The following DUS2 variants were observed in gnomAD, a reference collection of about 807,000 sequenced individuals.
The protein encoded by DUS2 is dihydrouridine synthase 2, also known as tRNA-dihydrouridine(20) synthase [NAD(P)+]-like.
DUS2 carries 52 observed loss-of-function variants against 71.3 expected under a neutral mutation model. That is an observed-to-expected ratio of 0.73 (90% CI 0.58 to 0.92). The LOEUF (loss-of-function observed/expected upper bound fraction) is 0.92, where lower values mean the gene tolerates loss of function less well. Ranked by LOEUF, DUS2 falls within the 40% of genes least tolerant of loss-of-function variation. DUS2 has a pLI of 0.00. For missense variants in DUS2, 558 were observed against 622.6 expected (o/e 0.90, Z 1.10); for synonymous variants, 204 against 227.8 (o/e 0.90, Z 0.94).
chr16:68,072,137 T>C (rs2034095813), intron 12 of DUS2, among the ~76,000 whole-genome samples: 1 of 152,230 alleles, frequency 6.6e-6, no homozygotes, highest in African/African-American at 2.4e-5. Context: ...TAGGAGTGCC[T>C]GTGGCTGCCA....
chr16:68,065,602 G>A (rs948981012), intron 8 of DUS2, among the ~76,000 whole-genome samples: 3 of 151,976 alleles, frequency 2.0e-5, no homozygotes, highest in Non-Finnish European at 4.4e-5. Context: ...CTGCACTCTA[G>A]CCTGGGAAAC....
At chr16:68,075,585 T>C in intron 14 of DUS2, 81 bp downstream of exon 14, 6 of 1,378,086 alleles carry the variant, frequency 4.4e-6, no homozygotes, top group Non-Finnish European at 5.8e-6. Flanking sequence ...GGCTGCTGTA[T>C]GTGCTTAATG....
Position 68,038,110 on chromosome 16 carries a change from G to C in DUS2, c.87G>C (p.Leu29=). ...MVRVGTLPMR[L]LALDYGADIV... The stretch of plus-strand genomic sequence containing the variant: ...GGGTAGGGACTCTTCCAATGAGGCT[G>C]CTGGCCCTGGATTATGGAGCGGACA... The change falls in exon 3 of 17, where the codon CTG becomes CTC. Residue 29 remains leucine (L), a synonymous_variant. Transcript: ENST00000565263. 2.5e-6 allele frequency: 4 copies of C among 1,613,982 alleles called. No homozygotes were observed. The highest frequency in any genetic ancestry group is 3.4e-6 in the Non-Finnish European group (4 of 1,179,950).
At chr16:68,029,098 C>T (rs932373261) in intron 2 of DUS2, among the ~76,000 whole-genome samples, 2 of 151,690 alleles carry the variant, frequency 1.3e-5, no homozygotes, top group Non-Finnish European at 1.5e-5. Context: ...CCAGTTACTC[C>T]GGATGCTGAG....
rs574691182 is a variant in DUS2, at chr16:68,074,306, G to A, written c.932+151G>A. The A allele has an allele frequency of 9.4e-6, 10 of 1,065,946 alleles. No homozygotes were observed. The African/African-American group carries it at 1.6e-4, about 17-fold the overall frequency. The allele number at this position is 1,065,946 out of a possible 1,614,324, so 66.0% of individuals were successfully genotyped here. ...GTGATGGTACAGCTTTGCCTCCCAG[G>A]AGGGGATTCTTTGAAAGCTTTGAAA... On this transcript the variant is annotated intron_variant, in intron 13 of 16. Coordinates refer to ENST00000565263, the MANE Select transcript of DUS2 (RefSeq NM_017803.5).
intron 3 of DUS2, among the ~76,000 whole-genome samples, chr16:68,047,813 C>T: frequency 6.7e-6 from 1 of 149,538 alleles, no homozygotes; most frequent in Non-Finnish European, 1.5e-5. Context: ...ACAGGTGTCA[C>T]TCTGTTGCCC....
At chr16:68,030,508 T>C (rs2033421374) in intron 2 of DUS2, among the ~76,000 whole-genome samples, 1 of 152,072 alleles carries the variant, frequency 6.6e-6, no homozygotes, top group East Asian at 1.9e-4. Flanking sequence ...GGAGAATTGC[T>C]CGAACCTCGG....
At position 68,049,507 on chromosome 16, in the gene DUS2, G is replaced by A. The variant is rs2033749346; in HGVS notation, c.129G>A (p.Glu43=). ...DYGADIVYCE[E]LIDLKMIQCK... Reference sequence around the variant, plus strand: ...AGCGTCCTCTGATTCCTCTGCAGGAGCTGATCGACCTCAAGATGATTCAGT... The same window carrying A: ...AGCGTCCTCTGATTCCTCTGCAGGAACTGATCGACCTCAAGATGATTCAGT... The change falls in exon 4 of 17, where the codon GAG becomes GAA. Residue 43 remains glutamate, a splice_region_variant and synonymous_variant. Transcript: ENST00000565263. 1 of 1,614,168 alleles carries A rather than the reference G, an allele frequency of 6.2e-7. No individual in the cohort carries two copies. Among genetic ancestry groups the A allele is most frequent in the East Asian group, 2.2e-5 (1 of 44,886 alleles).
At chr16:68,044,916 G>C (rs1018364780) in intron 3 of DUS2, among the ~76,000 whole-genome samples, 4 of 151,748 alleles carry the variant, frequency 2.6e-5, no homozygotes. Flanking sequence ...CCTCAGCCTC[G>C]CGAGTAGCTG....
rs1039637126 is a variant in DUS2 at position 68,050,127 on chromosome 16, G to A, written c.172+577G>A. Among the ~76,000 whole-genome samples, 7 of 151,882 alleles carry A rather than the reference G, an allele frequency of 4.6e-5. No homozygotes were observed. The South Asian group carries it at 6.2e-4, about 13-fold the overall frequency. ...ATTCCTTGAGTTTTCTGATACATAC[G>A]TATATGCTTGTGAAATCTTTTTTTT... On this transcript the variant is annotated intron_variant, in intron 4 of 16. Transcript: ENST00000565263.
At chr16:68,078,685 G>T in intron 16 of DUS2, 64 bp from the exon 17 acceptor site, 2 of 1,542,106 alleles carry the variant, frequency 1.3e-6, no homozygotes, top group Non-Finnish European at 1.8e-6. Context: ...TGCCAAGGAT[G>T]TGTAGAGTCA....
Position 68,039,722 on chromosome 16 carries a change from CCT to C in DUS2, c.126+1574_126+1575del, listed in dbSNP as rs1388383285. On this transcript the variant is annotated intron_variant, in intron 3 of 16. Coordinates refer to ENST00000565263, the MANE Select transcript of DUS2 (RefSeq NM_017803.5). ...AGGTGTGAGCCACCGTGCCTGGCCCCCTGTTTCTTGAAAAAAAGCAAGGAAGG... is the reference window on the plus strand; with the variant it reads ...AGGTGTGAGCCACCGTGCCTGGCCCCGTTTCTTGAAAAAAAGCAAGGAAGG... Among the ~76,000 whole-genome samples, 6 of 151,296 alleles carry C rather than the reference CCT, an allele frequency of 4.0e-5. No individual in the cohort carries two copies. The East Asian group carries it at 1.2e-3, about 29-fold the overall frequency.
At chr16:68,064,642 G>A (rs237832) in intron 8 of DUS2, among the ~76,000 whole-genome samples, 2 of 152,198 alleles carry the variant, frequency 1.3e-5, no homozygotes, top group African/African-American at 2.4e-5. Flanking sequence ...TGTCAGTCCC[G>A]CCCTTAAAAT....
At chr16:68,075,936 T>G (rs574617735) in intron 14 of DUS2, among the ~76,000 whole-genome samples, 20 of 152,264 alleles carry the variant, frequency 1.3e-4, no homozygotes, top group African/African-American at 4.6e-4. Flanking sequence ...TGCTTACGCC[T>G]CAGATTGTGA....
At position 68,049,530 on chromosome 16, in the gene DUS2, A is replaced by G; in HGVS notation, c.152A>G (p.Gln51Arg). The change falls in exon 4 of 17, where the codon CAG becomes CGG. Residue 51 changes from glutamine to arginine, a missense_variant. Gln to Arg is a conservative substitution (Grantham distance 43). Coordinates refer to ENST00000565263, the MANE Select transcript of DUS2 (RefSeq NM_017803.5). ...GAGCTGATCGACCTCAAGATGATTCAGTGCAAGAGAGTTGTTAATGGTGAG... is the reference window on the plus strand; with the variant it reads ...GAGCTGATCGACCTCAAGATGATTCGGTGCAAGAGAGTTGTTAATGGTGAG... ...CEELIDLKMI[Q>R]CKRVVNEVLS... is the part of the protein sequence containing the mutation. 6.2e-7 allele frequency: 1 copy of G among 1,614,212 alleles called. No homozygotes were observed. The highest frequency in any genetic ancestry group is 8.5e-7 in the Non-Finnish European group (1 of 1,180,022).
chr16:68,038,520 A>G (rs1167103540), intron 3 of DUS2, among the ~76,000 whole-genome samples: 1 of 152,076 alleles, frequency 6.6e-6, no homozygotes, highest in Non-Finnish European at 1.5e-5. Context: ...ACCTGAGGTC[A>G]GGAGTTCGAG....
At chr16:68,055,757 T>C (rs2033842909) in intron 6 of DUS2, among the ~76,000 whole-genome samples, 1 of 151,508 alleles carries the variant, frequency 6.6e-6, no homozygotes, top group South Asian at 2.1e-4. Flanking sequence ...AGGCAGTTAT[T>C]GCTGCTGATC....
At chr16:68,043,493 C>T (rs944999026) in intron 3 of DUS2, among the ~76,000 whole-genome samples, 1 of 151,276 alleles carries the variant, frequency 6.6e-6, no homozygotes, top group Non-Finnish European at 1.5e-5. Context: ...GGTAGCCATC[C>T]TAATGGGTAT....
At chr16:68,026,454 A>G (rs2033352264) in intron 2 of DUS2, among the ~76,000 whole-genome samples, 2 of 152,168 alleles carry the variant, frequency 1.3e-5, no homozygotes, top group Non-Finnish European at 1.5e-5. Context: ...GGCTGTGCGC[A>G]GGTAATCATA....
Sources: allele counts gnomAD v4.1 joint callset (sites outside exome capture counted in the v4.1 genomes callset), GRCh38; gene constraint gnomAD v4.1.1; transcripts MANE v1.5; gene names NCBI Gene and HGNC (gene_info 2026-07-23, HGNC 2026-07-21).